The following CTNNA3 variants were observed in gnomAD, a reference collection of about 807,000 sequenced individuals.
CTNNA3 encodes the protein catenin alpha-3.
In CTNNA3, 76 loss-of-function variants were observed where a neutral mutation model predicts 95.7. That is an observed-to-expected ratio of 0.79 (90% confidence interval 0.66 to 0.96). The LOEUF (loss-of-function observed/expected upper bound fraction) is 0.96, where lower values mean the gene tolerates loss of function less well. CTNNA3 is among the 40% of genes least tolerant of loss of function. The pLI is 0.00. For missense variants in CTNNA3, 1,191 were observed against 1,089.8 expected (o/e 1.09, Z -1.31); for synonymous variants, 431 against 374.4 (o/e 1.15, Z -1.74).
intron 1 of CTNNA3, among the ~76,000 whole-genome samples, chr10:67,721,985 C>T (rs1005858770): frequency 1.1e-4 from 16 of 152,196 alleles, no homozygotes; most frequent in East Asian, 5.8e-4. Flanking sequence ...GTATCACCAG[C>T]GGAGGTTCAG....
intron 12 of CTNNA3, among the ~76,000 whole-genome samples, chr10:66,285,492 A>G (rs1211172952): frequency 1.3e-5 from 2 of 151,804 alleles, no homozygotes; most frequent in Non-Finnish European, 2.9e-5. Flanking sequence ...TGAATTTTTA[A>G]TATGATGAAG....
intron 9 of CTNNA3, among the ~76,000 whole-genome samples, chr10:66,681,755 AT>A: frequency 6.6e-6 from 1 of 152,288 alleles, no homozygotes; most frequent in Non-Finnish European, 1.5e-5. Flanking sequence ...TTCTTTAAAA[AT>A]TTCCTCTTTT....
At chr10:66,259,713 T>G (rs541516339) in intron 13 of CTNNA3, among the ~76,000 whole-genome samples, 39 of 152,266 alleles carry the variant, frequency 2.6e-4, no homozygotes, top group Non-Finnish European at 4.9e-4. Flanking sequence ...AAACACTTTC[T>G]CTGCTGCAAT....
intron 8 of CTNNA3, among the ~76,000 whole-genome samples, chr10:66,772,580 A>G (rs891927520): frequency 1.3e-5 from 2 of 152,198 alleles, no homozygotes; most frequent in Non-Finnish European, 2.9e-5. Context: ...AACCTAGAAC[A>G]CCATGCCAAG....
intron 5 of CTNNA3, among the ~76,000 whole-genome samples, chr10:67,340,134 G>T (rs1564578670): frequency 6.6e-6 from 1 of 152,114 alleles, no homozygotes; most frequent in South Asian, 2.1e-4. Context: ...TGCTTGGAAT[G>T]TTTGCTATGG....
In CTNNA3 at chr10:67,200,746, C is replaced by T. The variant is rs763083043; in HGVS notation, c.843+18861G>A. Reference sequence around the variant, plus strand: ...CTCCCTAAAGCCCAAAAGACAGTCACGCATGCACTTTTCTTTCCGTTTCAC... The same window carrying T: ...CTCCCTAAAGCCCAAAAGACAGTCATGCATGCACTTTTCTTTCCGTTTCAC... On this transcript the variant is annotated intron_variant, in intron 6 of 17. Transcript: ENST00000433211. Among the ~76,000 whole-genome samples the T allele has an allele frequency of 6.6e-5, 10 of 152,278 alleles. No homozygotes were observed. The East Asian group carries it at 9.7e-4, about 15-fold the overall frequency.
chr10:66,461,851 C>G (rs2093532051), intron 11 of CTNNA3, among the ~76,000 whole-genome samples: 1 of 146,908 alleles, frequency 6.8e-6, no homozygotes, highest in Admixed American at 6.8e-5. Context: ...CTCCTTCTGT[C>G]ACCCAGGCTG....
chr10:66,148,484 C>T (rs555152631), intron 13 of CTNNA3, among the ~76,000 whole-genome samples: 2 of 152,146 alleles, frequency 1.3e-5, no homozygotes, highest in South Asian at 2.1e-4. Flanking sequence ...TCTCTGCCCT[C>T]GAGGATGGGA....
intron 5 of CTNNA3, among the ~76,000 whole-genome samples, chr10:67,493,557 G>A (rs1325847740): frequency 3.5e-5 from 4 of 112,972 alleles, no homozygotes; most frequent in Admixed American, 1.7e-4. Context: ...GCGAGACTCT[G>A]TCTCAAAAAA....
At chr10:67,589,466 T>C (rs1240797847) in intron 3 of CTNNA3, among the ~76,000 whole-genome samples, 6 of 144,182 alleles carry the variant, frequency 4.2e-5, no homozygotes, top group Non-Finnish European at 5.9e-5. Context: ...GAAAATAGTA[T>C]AAATAGTTTC....
At chr10:67,325,960 C>G (rs1367486077) in intron 5 of CTNNA3, among the ~76,000 whole-genome samples, 1 of 151,994 alleles carries the variant, frequency 6.6e-6, no homozygotes, top group Non-Finnish European at 1.5e-5. Context: ...TGACTTGACC[C>G]CTTTACTATT....
intron 5 of CTNNA3, among the ~76,000 whole-genome samples, chr10:67,431,697 A>G (rs1846117860): frequency 6.6e-6 from 1 of 152,002 alleles, no homozygotes; most frequent in African/African-American, 2.4e-5. Flanking sequence ...CCATTAAACC[A>G]AGATGAACAA....
chr10:66,978,086 A>G (rs1850164340), intron 7 of CTNNA3, among the ~76,000 whole-genome samples: 2 of 143,124 alleles, frequency 1.4e-5, no homozygotes, highest in Non-Finnish European at 3.2e-5. Context: ...ACACACACAC[A>G]CACACATGCG....
At chr10:67,670,064 C>T (rs190817162) in intron 1 of CTNNA3, among the ~76,000 whole-genome samples, 1 of 152,010 alleles carries the variant, frequency 6.6e-6, no homozygotes, top group African/African-American at 2.4e-5. Context: ...GATAGAATAC[C>T]GAACTAAACA....
At chr10:66,515,329 GTCTC>G (rs373915427) in intron 11 of CTNNA3, among the ~76,000 whole-genome samples, 7 of 128,018 alleles carry the variant, frequency 5.5e-5, no homozygotes, top group Non-Finnish European at 1.0e-4. Flanking sequence ...CTCCCTCTCT[GTCTC>G]TCTCTCTCTC....
rs569561633 is a variant in CTNNA3, at chr10:65,925,196, T to C, written c.2401-4579A>G. ...ATTCTACCCAAACACTAGTCTAAACTTCCACTTTCATCAAACCTCTAGCCC... is the reference window on the plus strand; with the variant it reads ...ATTCTACCCAAACACTAGTCTAAACCTCCACTTTCATCAAACCTCTAGCCC... On this transcript the variant is annotated intron_variant, in intron 17 of 17. Transcript: ENST00000433211. Among the ~76,000 whole-genome samples, 4 of 152,306 alleles carry C rather than the reference T, an allele frequency of 2.6e-5. No homozygotes were observed. In the South Asian group the frequency reaches 6.2e-4, roughly 24 times the overall value.
intron 10 of CTNNA3, among the ~76,000 whole-genome samples, chr10:66,611,238 T>A (rs1844318541): frequency 6.6e-6 from 1 of 152,058 alleles, no homozygotes; most frequent in Admixed American, 6.6e-5. Context: ...AAATTATAAT[T>A]GACAATAACT....
At chr10:66,642,767 G>T (rs532751719) in intron 9 of CTNNA3, among the ~76,000 whole-genome samples, 85 of 152,212 alleles carry the variant, frequency 5.6e-4, no homozygotes, top group African/African-American at 1.9e-3. Context: ...ATACCATTAA[G>T]TACTTAATTT....
intron 5 of CTNNA3, among the ~76,000 whole-genome samples, chr10:67,368,602 G>C (rs1843300555): frequency 6.6e-6 from 1 of 152,104 alleles, no homozygotes; most frequent in South Asian, 2.1e-4. Context: ...CCTAAAACTG[G>C]AAACAACCCA....
Sources: gnomAD v4.1 joint callset for allele counts (sites outside exome capture counted in the v4.1 genomes callset) on GRCh38, gnomAD v4.1.1 for gene constraint, MANE v1.5 for transcripts, NCBI Gene and HGNC (gene_info 2026-07-23, HGNC 2026-07-21) for gene names.